SORCS2: variants seen among roughly 807,000 people sequenced by gnomAD.
SORCS2 encodes VPS10 domain-containing receptor SorCS2.
SORCS2 carries 100 observed loss-of-function variants against 141.6 expected under a neutral mutation model. The observed-to-expected ratio is 0.71, with a 90% CI of 0.60 to 0.83. The LOEUF is 0.83. SORCS2 is among the 40% of genes least tolerant of loss of function. The probability of loss-of-function intolerance (pLI) is 0.00; values close to 1 mark genes in which losing one functional copy is unlikely to be tolerated. For missense variants in SORCS2, 1,646 were observed against 1,560.2 expected, an observed-to-expected ratio of 1.05 and a Z score of -0.93; for synonymous variants, 789 against 676.9, an observed-to-expected ratio of 1.17 and a Z score of -2.57.
chr4:7,467,336 T>C (rs1729680363), intron 2 of SORCS2, among the ~76,000 whole-genome samples: 1 of 152,172 alleles, frequency 6.6e-6, no homozygotes, highest in African/African-American at 2.4e-5. Flanking sequence ...CCCACTCAGA[T>C]CTGCTGTCCT....
At chr4:7,452,981 G>T in intron 2 of SORCS2, among the ~76,000 whole-genome samples, 1 of 123,786 alleles carries the variant, frequency 8.1e-6, no homozygotes, top group Admixed American at 9.0e-5. Flanking sequence ...TGTGTGTTGG[G>T]GTCAGGCTCC....
At chr4:7,306,167 G>C (rs1717815956) in intron 1 of SORCS2, among the ~76,000 whole-genome samples, 1 of 152,200 alleles carries the variant, frequency 6.6e-6, no homozygotes. Flanking sequence ...CTGCATGTGG[G>C]CTTGGGAGCA....
intron 3 of SORCS2, among the ~76,000 whole-genome samples, chr4:7,622,166 C>G (rs1459447592): frequency 6.6e-6 from 1 of 152,126 alleles, no homozygotes; most frequent in African/African-American, 2.4e-5. Context: ...TCTCCCCTCA[C>G]CCAGCCCCTA....
At chr4:7,242,978 C>A (rs1003506625) in intron 1 of SORCS2, among the ~76,000 whole-genome samples, 4 of 152,196 alleles carry the variant, frequency 2.6e-5, no homozygotes, top group Admixed American at 6.5e-5. Flanking sequence ...GTGACACATG[C>A]TGGTGAGTTT....
intron 3 of SORCS2, among the ~76,000 whole-genome samples, chr4:7,562,847 G>T (rs1714698180): frequency 6.6e-6 from 1 of 152,136 alleles, no homozygotes; most frequent in Admixed American, 6.5e-5. Flanking sequence ...ACTTCTCTGT[G>T]TGTGTTTGTC....
intron 1 of SORCS2, among the ~76,000 whole-genome samples, chr4:7,240,538 G>A (rs192361878): frequency 1.4e-4 from 22 of 152,298 alleles, no homozygotes; most frequent in Admixed American, 6.5e-4. Flanking sequence ...CCTCGTGGTG[G>A]AGGTGGGAAC....
intron 2 of SORCS2, among the ~76,000 whole-genome samples, chr4:7,507,101 T>C (rs901847756): frequency 1.3e-5 from 2 of 152,232 alleles, no homozygotes; most frequent in Non-Finnish European, 2.9e-5. Context: ...AATTGTGGTA[T>C]TTTAGACCCA....
rs796208620 is a variant in SORCS2, at chr4:7,663,132, AAGTG to A, written c.953-1213_953-1210del. The stretch of plus-strand genomic sequence containing the variant: ...TGAGAGAATGAGTGAGTGGGTGAAT[AAGTG>A]AGTGAGTAATTGAAAGAGTGAGTGA... On this transcript the variant is annotated intron_variant, in intron 6 of 26. Coordinates refer to ENST00000507866, the MANE Select transcript of SORCS2 (RefSeq NM_020777.3). This position sits in a 1 kb window ranked among gnomAD's most constrained non-coding sequence, Gnocchi z 4.8. 4.6e-3 allele frequency among the ~76,000 whole-genome samples: 685 copies of A among 150,242 alleles called. 1 individual carries two copies. Among genetic ancestry groups the A allele is most frequent in the African/African-American group, 0.016 (652 of 40,816 alleles).
intron 12 of SORCS2, among the ~76,000 whole-genome samples, chr4:7,699,662 G>A (rs1577089508): frequency 6.6e-6 from 1 of 152,192 alleles, no homozygotes; most frequent in East Asian, 1.9e-4. Flanking sequence ...GCCCTCAAAG[G>A]GTGGGGAATC....
chr4:7,224,286 T>G (rs889702287), intron 1 of SORCS2, among the ~76,000 whole-genome samples: 5 of 152,248 alleles, frequency 3.3e-5, no homozygotes, highest in African/African-American at 1.2e-4. Flanking sequence ...TGCCTCTAGC[T>G]TAATCCTCCT....
chr4:7,422,367 G>A (rs1726135047), intron 2 of SORCS2, among the ~76,000 whole-genome samples: 1 of 152,172 alleles, frequency 6.6e-6, no homozygotes, highest in Non-Finnish European at 1.5e-5. Context: ...TGGATGCCCT[G>A]CCCGCTTCTA....
intron 1 of SORCS2, among the ~76,000 whole-genome samples, chr4:7,388,001 C>T (rs113308612): frequency 3.7e-5 from 4 of 107,742 alleles, no homozygotes; most frequent in African/African-American, 1.1e-4. Flanking sequence ...CATGCACACA[C>T]ATGCACATGC....
At chr4:7,436,613 A>G (rs952202337) in intron 2 of SORCS2, among the ~76,000 whole-genome samples, 2 of 152,190 alleles carry the variant, frequency 1.3e-5, no homozygotes, top group African/African-American at 4.8e-5. Flanking sequence ...TTGTCTTTGT[A>G]TGATTGACCC....
chr4:7,578,296 C>T (rs1360648733), intron 3 of SORCS2, among the ~76,000 whole-genome samples: 1 of 152,142 alleles, frequency 6.6e-6, no homozygotes, highest in African/African-American at 2.4e-5. Context: ...TAATCATGAG[C>T]CAAATAAATC....
intron 2 of SORCS2, among the ~76,000 whole-genome samples, chr4:7,469,809 G>C (rs952556692): frequency 6.6e-6 from 1 of 152,184 alleles, no homozygotes; most frequent in Non-Finnish European, 1.5e-5. Context: ...CTCATTGCAG[G>C]GCTGTTTAAA....
chr4:7,496,494 G>A (rs1181238981), intron 2 of SORCS2, among the ~76,000 whole-genome samples: 4 of 44,474 alleles, frequency 9.0e-5, no homozygotes, highest in African/African-American at 2.2e-4. Flanking sequence ...CCATCTCAGG[G>A]CAGTGAGCCT....
chr4:7,377,862 C>A (rs939810050), intron 1 of SORCS2, among the ~76,000 whole-genome samples: 1 of 152,190 alleles, frequency 6.6e-6, no homozygotes. Context: ...CAGAATCGTT[C>A]CCGTCCTCGT....
intron 3 of SORCS2, among the ~76,000 whole-genome samples, chr4:7,610,646 T>C (rs1025169161): frequency 6.6e-6 from 1 of 152,122 alleles, no homozygotes; most frequent in Non-Finnish European, 1.5e-5. Flanking sequence ...AGGGGGCACA[T>C]TCTGTGCTCG....
chr4:7,392,528 G>T (rs1723931411), intron 1 of SORCS2, among the ~76,000 whole-genome samples: 1 of 152,176 alleles, frequency 6.6e-6, no homozygotes, highest in Non-Finnish European at 1.5e-5. Context: ...CGGGGGTTTA[G>T]GGGTGGGTGA....
Sources: allele counts gnomAD v4.1 joint callset (sites outside exome capture counted in the v4.1 genomes callset), GRCh38; gene constraint gnomAD v4.1.1; non-coding constraint Gnocchi (gnomAD v3.1); transcripts MANE v1.5; gene names NCBI Gene and HGNC (gene_info 2026-07-23, HGNC 2026-07-21).